SLC24A2: variants seen among roughly 807,000 people sequenced by gnomAD.
SLC24A2 encodes sodium/potassium/calcium exchanger 2.
Under a neutral mutation model 62.0 loss-of-function variants are expected in SLC24A2, and 36 were observed. That is an observed-to-expected ratio of 0.58 (90% CI 0.44 to 0.77). SLC24A2 has a LOEUF of 0.77. Among genes scored for constraint, SLC24A2 ranks in the 30% least tolerant of loss-of-function variants. The pLI, the probability that SLC24A2 is intolerant of heterozygous loss-of-function variation, is 0.00. For synonymous variants in SLC24A2, 358 were observed against 294.0 expected (o/e 1.22, Z -2.23); for missense variants, 846 against 817.9 (o/e 1.03, Z -0.42).
chr9:19,993,121 G>A, the SLC24A2 span, among the ~76,000 whole-genome samples: 1 of 152,284 alleles, frequency 6.6e-6, no homozygotes, highest in East Asian at 1.9e-4. Flanking sequence ...GTAAATGAGG[G>A]AGATGAGGTA....
At chr9:19,680,056 C>T (rs576761646) in intron 2 of SLC24A2, among the ~76,000 whole-genome samples, 26 of 152,178 alleles carry the variant, frequency 1.7e-4, no homozygotes, top group Middle Eastern at 6.8e-3. Context: ...ATGAATTTGG[C>T]AGCACATACT....
chr9:19,569,950 T>A (rs978096874), intron 7 of SLC24A2, among the ~76,000 whole-genome samples: 2 of 152,174 alleles, frequency 1.3e-5, no homozygotes, highest in African/African-American at 2.4e-5. Flanking sequence ...TTGGAGGCCT[T>A]CCCTCATCTC....
intron 2 of SLC24A2, among the ~76,000 whole-genome samples, chr9:19,711,128 T>G (rs1333751924): frequency 6.6e-6 from 1 of 152,212 alleles, no homozygotes; most frequent in Non-Finnish European, 1.5e-5. Flanking sequence ...TCACTGCATT[T>G]CTATTTGAGG....
the SLC24A2 span, among the ~76,000 whole-genome samples, chr9:19,933,336 G>C: frequency 2.3e-4 from 35 of 152,174 alleles, no homozygotes; most frequent in Non-Finnish European, 4.4e-4. Context: ...CTCTTCCTTA[G>C]ATCACAAGTT....
the SLC24A2 span, among the ~76,000 whole-genome samples, chr9:19,859,825 G>C: frequency 6.6e-6 from 1 of 152,152 alleles, no homozygotes; most frequent in Non-Finnish European, 1.5e-5. Flanking sequence ...ATTAAACTTA[G>C]TGCTGCCCTT....
chr9:19,729,291 G>A lies in SLC24A2; in HGVS notation c.930+56646C>T, dbSNP rs184515430. 5.6e-4 allele frequency among the ~76,000 whole-genome samples: 85 copies of A among 152,230 alleles called. 1 individual carries two copies. Among genetic ancestry groups the A allele is most frequent in the African/African-American group, 1.8e-3 (74 of 41,542 alleles). ...AGTAGGAATGTTAACCAGTACGGCC[G>A]CTATGGAAAATAGTATGGAGGTTCC... On this transcript the variant is annotated intron_variant, in intron 2 of 10. Transcript: ENST00000341998.
the SLC24A2 span, among the ~76,000 whole-genome samples, chr9:19,994,912 G>C: frequency 4.5e-4 from 68 of 152,312 alleles, no homozygotes; most frequent in East Asian, 0.012. Context: ...GATTTGAGAA[G>C]TCTGTTTTCC....
the SLC24A2 span, among the ~76,000 whole-genome samples, chr9:20,191,254 A>G: frequency 2.0e-5 from 3 of 151,842 alleles, no homozygotes; most frequent in Non-Finnish European, 1.5e-5. Context: ...ATAAAATATC[A>G]TTGATGATCT....
the SLC24A2 span, among the ~76,000 whole-genome samples, chr9:20,034,417 A>G: frequency 6.6e-6 from 1 of 151,572 alleles, no homozygotes; most frequent in Non-Finnish European, 1.5e-5. Context: ...CTGCTGGGGA[A>G]AATGTACTTA....
In SLC24A2 at chr9:19,513,153, G is replaced by GATATATATATATATATATAT. The variant is rs1188899124; in HGVS notation, c.*2980_*2999dup. On this transcript the variant is annotated 3_prime_UTR_variant, in exon 11 of 11. Transcript: ENST00000341998. ...TGTGTACATATAGATCTGGTATAAAGATATATATATATATATATATATGTA... is the reference window on the plus strand; with the variant it reads ...TGTGTACATATAGATCTGGTATAAAGATATATATATATATATATATATATATATATATATATATATATGTA... 49 of 80,490 alleles carry GATATATATATATATATATAT rather than the reference G, an allele frequency of 6.1e-4. No individual in the cohort carries two copies. The highest frequency in any genetic ancestry group is 1.4e-3 in the African/African-American group (29 of 21,204). 5.0% of individuals were successfully genotyped at this position (80,490 alleles called of 1,614,324 possible). A position where few individuals can be genotyped will look rare whatever the true frequency, so the allele number is the denominator to read the frequency against.
chr9:19,775,545 G>C (rs2118908192), intron 2 of SLC24A2, among the ~76,000 whole-genome samples: 1 of 152,354 alleles, frequency 6.6e-6, no homozygotes, highest in Middle Eastern at 3.4e-3. Flanking sequence ...AGGAAGCATT[G>C]ATGATGTGTG....
At chr9:20,278,793 T>G in the SLC24A2 span, among the ~76,000 whole-genome samples, 3 of 152,188 alleles carry the variant, frequency 2.0e-5, no homozygotes, top group Non-Finnish European at 4.4e-5. Flanking sequence ...CAAAGTCACT[T>G]TCACATTTTC....
intron 10 of SLC24A2, among the ~76,000 whole-genome samples, chr9:19,518,389 G>C (rs1033593042): frequency 6.6e-6 from 1 of 151,526 alleles, no homozygotes; most frequent in African/African-American, 2.4e-5. Flanking sequence ...TGATCTTTAA[G>C]CTTTATTTTT....
chr9:19,722,843 T>C (rs1821067077), intron 2 of SLC24A2, among the ~76,000 whole-genome samples: 1 of 152,048 alleles, frequency 6.6e-6, no homozygotes, highest in Admixed American at 6.6e-5. Flanking sequence ...GAAGGAGAAA[T>C]GTCAAAGAGT....
At chr9:19,820,066 T>TATAC in the SLC24A2 span, among the ~76,000 whole-genome samples, 2 of 131,934 alleles carry the variant, frequency 1.5e-5, no homozygotes, top group Non-Finnish European at 3.2e-5. Context: ...CACATATATA[T>TATAC]ATATATATAT....
At chr9:20,068,675 G>A in the SLC24A2 span, among the ~76,000 whole-genome samples, 1 of 152,112 alleles carries the variant, frequency 6.6e-6, no homozygotes, top group South Asian at 2.1e-4. Context: ...GCTTGGGGGT[G>A]CTGGATGATG....
At chr9:20,151,095 T>A in the SLC24A2 span, among the ~76,000 whole-genome samples, 4 of 151,888 alleles carry the variant, frequency 2.6e-5, no homozygotes, top group Non-Finnish European at 5.9e-5. Context: ...GCGAAGAAAC[T>A]CCCCACTTTC....
chr9:19,541,959 A>G (rs1004841285), intron 8 of SLC24A2, among the ~76,000 whole-genome samples: 1 of 152,116 alleles, frequency 6.6e-6, no homozygotes, highest in Non-Finnish European at 1.5e-5. Flanking sequence ...GGTGGGAGTG[A>G]CCCGATTTTC....
At chr9:19,940,963 G>T in the SLC24A2 span, among the ~76,000 whole-genome samples, 1 of 152,170 alleles carries the variant, frequency 6.6e-6, no homozygotes, top group Non-Finnish European at 1.5e-5. Context: ...TATATTATGT[G>T]GGCAGAAGAT....
Sources: allele counts gnomAD v4.1 joint callset (sites outside exome capture counted in the v4.1 genomes callset), GRCh38; gene constraint gnomAD v4.1.1; transcripts MANE v1.5; gene names NCBI Gene and HGNC (gene_info 2026-07-23, HGNC 2026-07-21).